PDE4DIP: variants seen among roughly 807,000 people sequenced by gnomAD.
PDE4DIP encodes the protein phosphodiesterase 4D interacting protein.
Under a neutral mutation model 221.4 loss-of-function variants are expected in PDE4DIP, and 59 were observed. The observed-to-expected ratio is 0.27, with a 90% CI of 0.22 to 0.33. The LOEUF (loss-of-function observed/expected upper bound fraction) is 0.33, where lower values mean the gene tolerates loss of function less well. Ranked by LOEUF, PDE4DIP falls within the 10% of genes least tolerant of loss-of-function variation. The pLI, the probability that PDE4DIP is intolerant of heterozygous loss-of-function variation, is 1.00. For synonymous variants in PDE4DIP, 404 were observed against 815.9 expected, an observed-to-expected ratio of 0.50 and a Z score of 8.60; for missense variants, 1,036 against 2,154.2, an observed-to-expected ratio of 0.48 and a Z score of 10.28.
At chr1:148,998,310 G>A (rs1553568904) in exon 23 of PDE4DIP, 1 of 1,612,928 alleles carries the variant, frequency 6.2e-7, no homozygotes. Context: ...GGAAAGCTGA[G>A]GAGGAACTGA....
At chr1:148,998,353 T>G in exon 23 of PDE4DIP, 1 of 1,587,992 alleles carries the variant, frequency 6.3e-7, no homozygotes, top group East Asian at 2.2e-5. Flanking sequence ...GGAAGCAGGA[T>G]TCTCCTCAGT....
rs1329395464 is a variant in PDE4DIP, at chr1:148,978,218, C to T, written c.2437-60C>T. 5 of 1,439,242 alleles carry T rather than the reference C, an allele frequency of 3.5e-6. No homozygotes were observed. In the African/African-American group the frequency reaches 4.2e-5, roughly 12 times the overall value. 89.2% of individuals were successfully genotyped at this position (1,439,242 alleles called of 1,614,324 possible). A position where few individuals can be genotyped will look rare whatever the true frequency, so the allele number is the denominator to read the frequency against. On this transcript the variant is annotated intron_variant, in intron 18 of 43. Transcript: ENST00000369354. ...TTTCAAGACATTTGTTCCCGTGCTACTCTGCTGAATAATCCTTTTATTACT... is the reference window on the plus strand; with the variant it reads ...TTTCAAGACATTTGTTCCCGTGCTATTCTGCTGAATAATCCTTTTATTACT...
rs633353 is a variant in PDE4DIP at position 148,826,079 on chromosome 1, T to C, written c.233+17342T>C. Among the ~76,000 whole-genome samples, 88 of 85,750 alleles carry C rather than the reference T, an allele frequency of 1.0e-3. 4 individuals carry two copies. The highest frequency in any genetic ancestry group is 5.2e-3 in the Middle Eastern group (1 of 194). The allele number at this position is 85,750 out of a possible 152,430, so 56.3% of individuals were successfully genotyped here. On this transcript the variant is annotated intron_variant, in intron 1 of 45. Coordinates refer to the PDE4DIP transcript ENST00000524974. Reference sequence around the variant, plus strand: ...ACCTCAGGTGAGTGCCTTGCTCCTCTCATCCTAGTTCCAGCCCTGAATACC... The same window carrying C: ...ACCTCAGGTGAGTGCCTTGCTCCTCCCATCCTAGTTCCAGCCCTGAATACC...
exon 36 of PDE4DIP, chr1:149,020,195 G>T (rs782086451): frequency 7.6e-6 from 4 of 529,604 alleles, no homozygotes; most frequent in Non-Finnish European, 1.3e-5. Context: ...CTGTCCTCTC[G>T]ATCCCACCTT....
chr1:148,915,304 C>T (rs1166939165), intron 1 of PDE4DIP, among the ~76,000 whole-genome samples: 3 of 152,256 alleles, frequency 2.0e-5, no homozygotes, highest in Admixed American at 2.0e-4. Context: ...CACACCACCA[C>T]ACCTGGCTAA....
At chr1:148,978,156 G>A (rs2060520232) in intron 18 of PDE4DIP, 103 bp downstream of exon 21, 2 of 1,315,178 alleles carry the variant, frequency 1.5e-6, no homozygotes, top group Non-Finnish European at 2.2e-6. Flanking sequence ...CTTGGCCAGT[G>A]ATTATCCATA....
At chr1:148,822,577 C>T (rs1250221170) in intron 1 of PDE4DIP, among the ~76,000 whole-genome samples, 6 of 150,950 alleles carry the variant, frequency 4.0e-5, no homozygotes, top group Non-Finnish European at 5.9e-5. Flanking sequence ...TTCCTGGTAC[C>T]AAAAAGGTTG....
rs587640757 is a variant in PDE4DIP, at chr1:148,980,336, G to A, written c.2687+487G>A. 2.0e-5 allele frequency among the ~76,000 whole-genome samples: 3 copies of A among 152,234 alleles called. No individual in the cohort carries two copies. The South Asian group carries it at 6.2e-4, about 32-fold the overall frequency. On this transcript the variant is annotated intron_variant, in intron 20 of 43. Transcript: ENST00000369354. ...GAACCTGGGAGGCAGAGGTTGCAGT[G>A]AGCTGGGTTCACACCACTGCACTCC...
chr1:148,879,050 T>TTTG (rs1692588310), intron 3 of PDE4DIP, among the ~76,000 whole-genome samples: 1 of 70,104 alleles, frequency 1.4e-5, no homozygotes, highest in Non-Finnish European at 3.1e-5. Flanking sequence ...TTTTTTTTTT[T>TTTG]AGACATGGTC....
chr1:148,930,576 C>A, intron 2 of PDE4DIP: 1 of 148,372 alleles, frequency 6.7e-6, no homozygotes, highest in South Asian at 2.2e-4. Flanking sequence ...AGAGCCAAAT[C>A]AAGAATGCAA....
chr1:148,915,134 T>G (rs138736822), intron 1 of PDE4DIP, among the ~76,000 whole-genome samples: 12 of 149,988 alleles, frequency 8.0e-5, no homozygotes, highest in Middle Eastern at 3.5e-3. Flanking sequence ...CTTCTGGTTT[T>G]TTTGTTTGTT....
intron 1 of PDE4DIP, among the ~76,000 whole-genome samples, chr1:148,912,344 A>G (rs1553455007): frequency 7.0e-6 from 1 of 143,684 alleles, no homozygotes; most frequent in East Asian, 2.0e-4. Context: ...TTTTGTTTAA[A>G]TAAACTTTAT....
intron 22 of PDE4DIP, among the ~76,000 whole-genome samples, chr1:148,996,931 T>C (rs2064367926): frequency 6.6e-6 from 1 of 152,248 alleles, no homozygotes; most frequent in Admixed American, 6.5e-5. Context: ...TGGGGAATGA[T>C]TCAGTATAGC....
exon 19 of PDE4DIP, chr1:148,978,327 G>A (rs782299364): frequency 8.1e-6 from 13 of 1,611,864 alleles, no homozygotes; most frequent in African/African-American, 4.0e-5. Flanking sequence ...GCTATGGAAC[G>A]CCTGACCCAG....
intron 21 of PDE4DIP, chr1:148,990,330 G>A (rs2062769687): frequency 2.0e-6 from 2 of 985,384 alleles, no homozygotes; most frequent in Non-Finnish European, 2.4e-6. Context: ...AAACCCCTGT[G>A]TGGCAGTGTC....
chr1:148,989,507 A>G (rs1237565792), intron 21 of PDE4DIP: 427 of 221,888 alleles, frequency 1.9e-3, no homozygotes, highest in Middle Eastern at 9.3e-3. Flanking sequence ...GTCAGATAAA[A>G]ACCTTCAAGA....
chr1:148,986,453 T>C (rs1170911543), intron 21 of PDE4DIP: 6 of 152,208 alleles, frequency 3.9e-5, no homozygotes, highest in Non-Finnish European at 5.9e-5. Context: ...ACTGATCCAA[T>C]AAAATTATCA....
chr1:148,929,465 C>T lies in PDE4DIP; in HGVS notation c.218+192C>T, dbSNP rs1484910948. 3.2e-5 allele frequency: 24 copies of T among 749,826 alleles called. No homozygotes were observed. The South Asian group carries it at 4.6e-4, about 14-fold the overall frequency. 46.4% of individuals were successfully genotyped at this position (749,826 alleles called of 1,614,324 possible). ...TTCTCTATTACTAGGTCAGATGGACCTTGTCATAAGTTGGTAAATCCACCA... is the reference window on the plus strand; with the variant it reads ...TTCTCTATTACTAGGTCAGATGGACTTTGTCATAAGTTGGTAAATCCACCA... On this transcript the variant is annotated intron_variant, in intron 2 of 43. Transcript: ENST00000369354.
intron 1 of PDE4DIP, chr1:148,844,567 G>A (rs1553380606): frequency 2.1e-5 from 2 of 96,230 alleles, no homozygotes; most frequent in East Asian, 1.7e-4. Context: ...CGGGTCGCAC[G>A]GCTAGCCGCA....
Sources: allele counts gnomAD v4.1 joint callset (sites outside exome capture counted in the v4.1 genomes callset), GRCh38; gene constraint gnomAD v4.1.1; transcripts MANE v1.5; gene names NCBI Gene and HGNC (gene_info 2026-07-23, HGNC 2026-07-21).